The following SLC4A5 variants were observed in gnomAD, a reference collection of about 807,000 sequenced individuals.
SLC4A5 encodes electrogenic sodium bicarbonate cotransporter 4.
Under a neutral mutation model 120.4 loss-of-function variants are expected in SLC4A5, and 96 were observed. The observed-to-expected ratio is 0.80, with a 90% confidence interval of 0.68 to 0.94. The LOEUF (loss-of-function observed/expected upper bound fraction) is 0.94, where lower values mean the gene tolerates loss of function less well. SLC4A5 is among the 40% of genes least tolerant of loss of function. The pLI is 0.00. For missense variants in SLC4A5, 1,259 were observed against 1,459.5 expected, an observed-to-expected ratio of 0.86 and a Z score of 2.24; for synonymous variants, 550 against 571.1, an observed-to-expected ratio of 0.96 and a Z score of 0.53.
chr2:74,226,643 T>A (rs928174445), intron 27 of SLC4A5, among the ~76,000 whole-genome samples: 11 of 152,138 alleles, frequency 7.2e-5, no homozygotes, highest in African/African-American at 2.2e-4. Context: ...ATTTTGGCAG[T>A]GGGAACTCGG....
At chr2:74,262,672 C>G (rs1396403902) in intron 10 of SLC4A5, among the ~76,000 whole-genome samples, 1 of 150,628 alleles carries the variant, frequency 6.6e-6, no homozygotes, top group African/African-American at 2.4e-5. Context: ...GCACTCCAGC[C>G]TGGGTGACAG....
chr2:74,282,487 C>T (rs1278682523), intron 8 of SLC4A5, among the ~76,000 whole-genome samples: 1 of 152,228 alleles, frequency 6.6e-6, no homozygotes, highest in Non-Finnish European at 1.5e-5. Context: ...CCTCAGATGC[C>T]ATCTTCAGAA....
intron 8 of SLC4A5, among the ~76,000 whole-genome samples, chr2:74,269,524 C>T (rs111555971): frequency 0.023 from 3,512 of 152,214 alleles, 132 homozygotes; most frequent in African/African-American, 0.079. Context: ...TGAGCCACCG[C>T]GCCCGGCCAG....
rs1334484264 is a variant in SLC4A5, at chr2:74,255,656, G to A, written c.1025+119C>T. The A allele has an allele frequency of 5.9e-6, 7 of 1,179,190 alleles. No individual in the cohort carries two copies. The Admixed American group carries it at 1.3e-4, about 22-fold the overall frequency. The allele number at this position is 1,179,190 out of a possible 1,614,324, so 73.0% of individuals were successfully genotyped here. On this transcript the variant is annotated intron_variant, in intron 13 of 30. Transcript: ENST00000394019. The surrounding 1 kb of genome is among the most constrained non-coding windows in gnomAD (Gnocchi z 4.0). ...CCTAGTCAGAAGATTTCCCTTCCCA[G>A]CAGCCTCCACGTTTAGAGGTGCCTT... is the stretch of plus-strand genomic sequence containing the variant.
At chr2:74,242,777 C>T (rs1233739058) in intron 19 of SLC4A5, among the ~76,000 whole-genome samples, 2 of 152,168 alleles carry the variant, frequency 1.3e-5, no homozygotes, top group Non-Finnish European at 2.9e-5. Flanking sequence ...CTCACCCTCC[C>T]GAGTAGCTGG....
chr2:74,275,659 G>A (rs1671615550), intron 8 of SLC4A5, among the ~76,000 whole-genome samples: 1 of 152,158 alleles, frequency 6.6e-6, no homozygotes, highest in Admixed American at 6.5e-5. Flanking sequence ...CCTCTAACTC[G>A]CATCACACTT....
At chr2:74,261,797 C>T (rs1417462436) in intron 11 of SLC4A5, among the ~76,000 whole-genome samples, 3 of 152,114 alleles carry the variant, frequency 2.0e-5, no homozygotes, top group Non-Finnish European at 4.4e-5. Context: ...GATTCCATTT[C>T]CAGGAAAGCT....
chr2:74,341,991 C>T (rs3755441), intron 2 of SLC4A5, among the ~76,000 whole-genome samples: 20,565 of 152,156 alleles, frequency 0.14, 1,803 homozygotes, highest in East Asian at 0.47. Context: ...GGCTCCTGTC[C>T]TCAAAACTAT....
At chr2:74,234,825 G>A (rs897579078) in intron 22 of SLC4A5, among the ~76,000 whole-genome samples, 1 of 152,170 alleles carries the variant, frequency 6.6e-6, no homozygotes, top group African/African-American at 2.4e-5. Flanking sequence ...CACTCAAATA[G>A]GAATCAAGAG....
intron 28 of SLC4A5, 41 bp from the exon 29 acceptor site, chr2:74,222,993 A>C: frequency 7.1e-7 from 1 of 1,413,132 alleles, no homozygotes; most frequent in Non-Finnish European, 9.7e-7. Context: ...ACACCAACAC[A>C]ACAATTTGGC....
intron 2 of SLC4A5, among the ~76,000 whole-genome samples, chr2:74,340,806 C>G (rs899888199): frequency 1.3e-5 from 2 of 152,114 alleles, no homozygotes; most frequent in Non-Finnish European, 2.9e-5. Flanking sequence ...AGGGACTCCC[C>G]ATCCAGACCA....
At chr2:74,222,495 C>T (rs1198326879) in intron 29 of SLC4A5, among the ~76,000 whole-genome samples, 2 of 152,142 alleles carry the variant, frequency 1.3e-5, no homozygotes, top group Non-Finnish European at 2.9e-5. Flanking sequence ...AGAACCAGGC[C>T]GCACAGCAGG....
rs1027658128 is a variant in SLC4A5 at position 74,230,796 on chromosome 2, TTTTTC to T, written c.2847+435_2847+439del. ...TTGGCCTAGTAAGACTGTGCCTTTCTTTTTCTTTTCTTTCTTTTTTTTGTTTTGAG... is the reference window on the plus strand; with the variant it reads ...TTGGCCTAGTAAGACTGTGCCTTTCTTTTTCTTTCTTTTTTTTGTTTTGAG... On this transcript the variant is annotated intron_variant, in intron 25 of 30. Transcript: ENST00000394019. 1.2e-4 allele frequency among the ~76,000 whole-genome samples: 18 copies of T among 152,256 alleles called. No individual in the cohort carries two copies. In the East Asian group the frequency reaches 1.5e-3, roughly 13 times the overall value.
intron 12 of SLC4A5, among the ~76,000 whole-genome samples, chr2:74,256,613 GTGGGGTCTGATGTGAGAGGTAC>G (rs1670972322): frequency 6.6e-6 from 1 of 152,218 alleles, no homozygotes; most frequent in South Asian, 2.1e-4. Flanking sequence ...GGCAGAGCCA[GTGGGGTCTGATGTGAGAGGTAC>G]TGGAGACAAG....
chr2:74,281,183 C>T (rs1189850057), intron 8 of SLC4A5, among the ~76,000 whole-genome samples: 4 of 152,236 alleles, frequency 2.6e-5, no homozygotes, highest in Admixed American at 6.5e-5. Flanking sequence ...ATTCTCAGAG[C>T]ATGTGTCTCA....
At chr2:74,299,218 G>A (rs891307133) in intron 7 of SLC4A5, among the ~76,000 whole-genome samples, 2 of 152,160 alleles carry the variant, frequency 1.3e-5, no homozygotes, top group East Asian at 1.9e-4. Context: ...GGGTGTGGTG[G>A]TGCATGCATG....
At chr2:74,297,177 C>CCCA (rs1465694033) in intron 7 of SLC4A5, among the ~76,000 whole-genome samples, 1 of 151,094 alleles carries the variant, frequency 6.6e-6, no homozygotes, top group Admixed American at 6.6e-5. Context: ...CAAACAAATG[C>CCCA]CCACTTTAGA....
At chr2:74,276,209 G>T (rs1289851838) in intron 8 of SLC4A5, among the ~76,000 whole-genome samples, 1 of 152,124 alleles carries the variant, frequency 6.6e-6, no homozygotes, top group African/African-American at 2.4e-5. Context: ...CAGGGGAAGA[G>T]ATCATCTGTG....
chr2:74,266,488 C>T (rs1490901095), intron 8 of SLC4A5, among the ~76,000 whole-genome samples: 4 of 152,188 alleles, frequency 2.6e-5, no homozygotes, highest in Non-Finnish European at 5.9e-5. Flanking sequence ...AGGCTGGTCT[C>T]GAACTCCTGG....
Sources: allele counts gnomAD v4.1 joint callset (sites outside exome capture counted in the v4.1 genomes callset), GRCh38; gene constraint gnomAD v4.1.1; non-coding constraint Gnocchi (gnomAD v3.1); transcripts MANE v1.5; gene names NCBI Gene and HGNC (gene_info 2026-07-23, HGNC 2026-07-21).